SLC26A3: variants seen among roughly 807,000 people sequenced by gnomAD.
SLC26A3 encodes solute carrier family 26 member 3, also known as chloride anion exchanger.
Under a neutral mutation model 85.6 loss-of-function variants are expected in SLC26A3, and 64 were observed. The ratio of observed to expected loss-of-function variants is 0.75; its 90% confidence interval spans 0.61 to 0.92. SLC26A3 has a LOEUF of 0.92. Among genes scored for constraint, SLC26A3 ranks in the 40% least tolerant of loss-of-function variants. The pLI is 0.00. For missense variants in SLC26A3, 922 were observed against 927.3 expected (o/e 0.99, Z 0.07); for synonymous variants, 349 against 336.0 (o/e 1.04, Z -0.42).
In SLC26A3 at chr7:107,772,076, A is replaced by T. The variant is rs768094962; in HGVS notation, c.2040T>A (p.Asp680Glu). The T allele has an allele frequency of 1.9e-6, 3 of 1,612,472 alleles. No individual in the cohort carries two copies. Among genetic ancestry groups the T allele is most frequent in the South Asian group, 2.2e-5 (2 of 91,046 alleles). ...ILQEFIRIKV[D>E]VYIVGTDDDF... The stretch of plus-strand genomic sequence containing the variant: ...TACCATCAGTTCCAACGATATACAC[A>T]TCTACCTTGATCCTGATAAATTCTT... Residue 680 changes from aspartate to glutamate, a missense_variant, in exon 18 of 21, where the codon GAT becomes GAA. Asp to Glu is a conservative substitution (Grantham distance 45). Coordinates refer to ENST00000340010, the MANE Select transcript of SLC26A3 (RefSeq NM_000111.3).
chr7:107,782,425 G>C (rs1306357277), intron 11 of SLC26A3, among the ~76,000 whole-genome samples: 3 of 152,154 alleles, frequency 2.0e-5, no homozygotes, highest in Non-Finnish European at 2.9e-5. Flanking sequence ...TGTGTGGCTG[G>C]TAGGGCCATT....
At chr7:107,772,714 T>C (rs1794046199) in intron 17 of SLC26A3, among the ~76,000 whole-genome samples, 1 of 152,126 alleles carries the variant, frequency 6.6e-6, no homozygotes, top group Non-Finnish European at 1.5e-5. Context: ...TAACTAAGAA[T>C]TAGAGCCCCT....
chr7:107,788,825 C>T (rs190075727), intron 6 of SLC26A3, among the ~76,000 whole-genome samples: 190 of 145,840 alleles, frequency 1.3e-3, no homozygotes, highest in Non-Finnish European at 2.1e-3. Context: ...GCTCTGTTGC[C>T]CAGGCTGGAG....
chr7:107,777,343 C>A (rs1794133681), intron 13 of SLC26A3, among the ~76,000 whole-genome samples: 1 of 152,090 alleles, frequency 6.6e-6, no homozygotes, highest in African/African-American at 2.4e-5. Flanking sequence ...GACTGTAATC[C>A]CAGCACTTTG....
intron 19 of SLC26A3, 40 bp from the exon 20 acceptor site, chr7:107,767,684 T>A: frequency 6.2e-7 from 1 of 1,606,484 alleles, no homozygotes; most frequent in Non-Finnish European, 8.5e-7. Flanking sequence ...AGGGGCTGAT[T>A]TTTTTTAATG....
chr7:107,801,812 G>A (rs1449418493), intron 1 of SLC26A3, among the ~76,000 whole-genome samples: 2 of 151,756 alleles, frequency 1.3e-5, no homozygotes, highest in Non-Finnish European at 2.9e-5. Context: ...GGATGGGGTG[G>A]CACATGCCTG....
intron 8 of SLC26A3, among the ~76,000 whole-genome samples, chr7:107,784,577 G>T (rs1794262213): frequency 1.3e-5 from 2 of 152,176 alleles, no homozygotes; most frequent in South Asian, 4.1e-4. Flanking sequence ...GACTACAGGT[G>T]TGTGCCACCA....
chr7:107,767,561 C>A lies in SLC26A3; in HGVS notation c.2271+18G>T, dbSNP rs1293891355. 1 of 1,576,190 alleles carries A rather than the reference C, an allele frequency of 6.3e-7. No individual in the cohort carries two copies. ...GCTGTGATGTCTAGGTGAAGATAAA[C>A]CTGTTGAAGAATCTTACCTCATATA... is the stretch of plus-strand genomic sequence containing the variant. On this transcript the variant is annotated intron_variant, in intron 20 of 20. Coordinates refer to ENST00000340010, the MANE Select transcript of SLC26A3 (RefSeq NM_000111.3).
chr7:107,794,746 G>A, intron 1 of SLC26A3, 149 bp from the exon 2 acceptor site: 1 of 519,088 alleles, frequency 1.9e-6, no homozygotes, highest in Non-Finnish European at 3.5e-6. Flanking sequence ...CGACAGCGAT[G>A]TTTTATTCCA....
Position 107,787,526 on chromosome 7 carries a change from A to C in SLC26A3, c.736-17T>G, listed in dbSNP as rs1265138767. ...GTATAGTACCTACAATTATAAAAAC[A>C]AAAACCACCAAAGCCCTATATTAAT... is the stretch of plus-strand genomic sequence containing the variant. On this transcript the variant is annotated splice_polypyrimidine_tract_variant and intron_variant, in intron 6 of 20. Coordinates refer to ENST00000340010, the MANE Select transcript of SLC26A3 (RefSeq NM_000111.3). The C allele has an allele frequency of 3.7e-6, 6 of 1,607,596 alleles. No homozygotes were observed. The highest frequency in any genetic ancestry group is 5.1e-6 in the Non-Finnish European group (6 of 1,176,768).
intron 13 of SLC26A3, among the ~76,000 whole-genome samples, chr7:107,777,105 G>A (rs181231696): frequency 0.01 from 1,576 of 152,250 alleles, 11 homozygotes; most frequent in Non-Finnish European, 0.013. Context: ...GTAAAAAATG[G>A]AATGAAATAT....
In SLC26A3 at chr7:107,787,356, C is replaced by T. The variant is rs199584595; in HGVS notation, c.888+1G>A. 1.9e-6 allele frequency: 3 copies of T among 1,613,842 alleles called. No homozygotes were observed. The highest frequency in any genetic ancestry group is 2.5e-6 in the Non-Finnish European group (3 of 1,179,840). The stretch of plus-strand genomic sequence containing the variant: ...GACAGAGTCTGAAAATGATCAATTA[C>T]CATAATGAATTCGATTGGAATGGGC... On this transcript the variant is annotated splice_donor_variant, in intron 7 of 20. Coordinates refer to ENST00000340010, the MANE Select transcript of SLC26A3 (RefSeq NM_000111.3). LOFTEE classifies it high-confidence loss of function.
intron 3 of SLC26A3, among the ~76,000 whole-genome samples, chr7:107,793,280 A>G (rs1003669274): frequency 3.9e-5 from 6 of 152,258 alleles, no homozygotes; most frequent in Non-Finnish European, 7.3e-5. Flanking sequence ...AAATATTTGT[A>G]CACAAATGTT....
rs1794068583 is a variant in SLC26A3, at chr7:107,774,027, C to T, written c.1900G>A (p.Asp634Asn). 1.9e-6 allele frequency: 3 copies of T among 1,614,022 alleles called. No homozygotes were observed. The highest frequency in any genetic ancestry group is 2.5e-6 in the Non-Finnish European group (3 of 1,180,006). The change falls in exon 17 of 21, where the codon GAT becomes AAT. Residue 634 changes from aspartate to asparagine, a missense_variant. Transcript: ENST00000340010. ...GGGACCTCAATGTTGAGAGGAAGAT[C>T]ATCATTCCAGTCAATGTGGAAAGGC... ...DLPFHIDWNDDLPLNIEVPKI... is the reference protein window; with the variant it reads ...DLPFHIDWNDNLPLNIEVPKI...
At chr7:107,769,108 A>G (rs1015607425) in intron 18 of SLC26A3, among the ~76,000 whole-genome samples, 3 of 152,162 alleles carry the variant, frequency 2.0e-5, no homozygotes, top group Non-Finnish European at 4.4e-5. Flanking sequence ...AATTATAAGG[A>G]AGCCTTGACA....
intron 20 of SLC26A3, among the ~76,000 whole-genome samples, chr7:107,766,879 C>CTT (rs530938974): frequency 0.014 from 1,896 of 140,338 alleles, 44 homozygotes; most frequent in African/African-American, 0.047. Flanking sequence ...AGCCTGTTTC[C>CTT]TTTTTTTTTT....
chr7:107,782,662 G>GTAT, intron 11 of SLC26A3, 135 bp downstream of exon 11: 1 of 883,356 alleles, frequency 1.1e-6, no homozygotes, highest in Admixed American at 1.8e-5. Context: ...CTCATACAGA[G>GTAT]TATTGGCTAA....
chr7:107,799,453 C>T (rs1035803150), intron 1 of SLC26A3, among the ~76,000 whole-genome samples: 10 of 152,002 alleles, frequency 6.6e-5, no homozygotes, highest in African/African-American at 1.2e-4. Context: ...TGCAGTGGCG[C>T]GATTTCATTT....
Position 107,767,803 on chromosome 7 carries a change from T to C in SLC26A3, c.2168A>G (p.Lys723Arg). The change falls in exon 19 of 21, where the codon AAG (lysine) becomes AGG (arginine). Residue 723 changes from lysine (K) to arginine (R), a missense_variant. Transcript: ENST00000340010. ...AAACTTTGAAGTACTGTAATCTTTC[T>C]TCATCAAAATATGCAAAACAGCATC... The part of the protein sequence containing the change: ...IHDAVLHILM[K>R]KDYSTSKFNP... The C allele has an allele frequency of 6.2e-7, 1 of 1,613,910 alleles. No individual in the cohort carries two copies. The highest frequency in any genetic ancestry group is 2.2e-5 in the East Asian group (1 of 44,870).
Sources: allele counts gnomAD v4.1 joint callset (sites outside exome capture counted in the v4.1 genomes callset), GRCh38; gene constraint gnomAD v4.1.1; transcripts MANE v1.5; gene names NCBI Gene and HGNC (gene_info 2026-07-23, HGNC 2026-07-21).